Variants in ARHGAP15 observed in about 807,000 individuals in gnomAD.
The protein encoded by ARHGAP15 is rho GTPase-activating protein 15.
Under a neutral mutation model 63.7 loss-of-function variants are expected in ARHGAP15, and 51 were observed. That is an observed-to-expected ratio of 0.80 (90% CI 0.64 to 1.01). The LOEUF (loss-of-function observed/expected upper bound fraction) is 1.01. Among genes scored for constraint, ARHGAP15 ranks in the 50% least tolerant of loss-of-function variants. The probability of loss-of-function intolerance (pLI) is 0.00; values close to 1 mark genes in which losing one functional copy is unlikely to be tolerated. For synonymous variants in ARHGAP15, 191 were observed against 193.8 expected (o/e 0.99, Z 0.12); for missense variants, 560 against 564.6 (o/e 0.99, Z 0.08).
chr2:143,694,749 G>A (rs1447784242), intron 12 of ARHGAP15, among the ~76,000 whole-genome samples: 1 of 152,196 alleles, frequency 6.6e-6, no homozygotes, highest in Non-Finnish European at 1.5e-5. Context: ...CATGTCAGAT[G>A]AACTAGCTGG....
chr2:143,331,398 A>G (rs76488509), intron 6 of ARHGAP15, among the ~76,000 whole-genome samples: 2,772 of 152,176 alleles, frequency 0.018, 91 homozygotes, highest in African/African-American at 0.063. Context: ...ACTTAACTAT[A>G]CATATTTGTT....
chr2:143,758,521 A>G (rs886703491), intron 13 of ARHGAP15, among the ~76,000 whole-genome samples: 2 of 152,144 alleles, frequency 1.3e-5, no homozygotes, highest in African/African-American at 4.8e-5. Context: ...TATACACTCT[A>G]AATAGGAAAG....
chr2:143,509,828 C>T (rs1328455722), intron 9 of ARHGAP15, among the ~76,000 whole-genome samples: 1 of 151,904 alleles, frequency 6.6e-6, no homozygotes, highest in East Asian at 1.9e-4. Context: ...CGAGACCATC[C>T]TGGCCAAAGT....
intron 6 of ARHGAP15, among the ~76,000 whole-genome samples, chr2:143,364,038 C>A (rs191404443): frequency 9.8e-4 from 149 of 152,190 alleles, no homozygotes; most frequent in African/African-American, 3.4e-3. Flanking sequence ...TTAAAAAGTT[C>A]CTTTAACAAA....
At chr2:143,385,897 C>T (rs181464934) in intron 6 of ARHGAP15, among the ~76,000 whole-genome samples, 1 of 152,100 alleles carries the variant, frequency 6.6e-6, no homozygotes, top group East Asian at 1.9e-4. Context: ...AACTATAAGA[C>T]CAGTTAAAAG....
chr2:143,175,108 A>G (rs187807935), intron 2 of ARHGAP15, among the ~76,000 whole-genome samples: 1 of 152,278 alleles, frequency 6.6e-6, no homozygotes, highest in East Asian at 1.9e-4. Context: ...ATACATAGAA[A>G]GAAAACCACA....
chr2:143,470,166 CT>C (rs1313902993), intron 8 of ARHGAP15, among the ~76,000 whole-genome samples: 4 of 151,580 alleles, frequency 2.6e-5, no homozygotes, highest in African/African-American at 7.3e-5. Context: ...AAAAATTTAA[CT>C]TTTTTTATTT....
At chr2:143,763,734 A>G (rs185084952) in intron 13 of ARHGAP15, among the ~76,000 whole-genome samples, 1 of 147,714 alleles carries the variant, frequency 6.8e-6, no homozygotes, top group African/African-American at 2.5e-5. Flanking sequence ...ATGTATATGT[A>G]TATGTATGTA....
intron 6 of ARHGAP15, among the ~76,000 whole-genome samples, chr2:143,313,297 A>G (rs1338990739): frequency 6.6e-6 from 1 of 152,184 alleles, no homozygotes; most frequent in East Asian, 1.9e-4. Context: ...TTTGTTTGCT[A>G]AGAGAAAAGC....
chr2:143,165,954 G>A (rs1690488274), intron 2 of ARHGAP15, among the ~76,000 whole-genome samples: 1 of 108,988 alleles, frequency 9.2e-6, no homozygotes, highest in African/African-American at 3.6e-5. Flanking sequence ...AAGAAAGAAA[G>A]AAAGAGAGAA....
chr2:143,448,337 A>G (rs1230190843), intron 8 of ARHGAP15, among the ~76,000 whole-genome samples: 1 of 152,112 alleles, frequency 6.6e-6, no homozygotes, highest in Non-Finnish European at 1.5e-5. Flanking sequence ...ACTTCAATGC[A>G]GGCAAGAGAC....
At chr2:143,443,825 C>G (rs1370896741) in intron 8 of ARHGAP15, among the ~76,000 whole-genome samples, 1 of 152,150 alleles carries the variant, frequency 6.6e-6, no homozygotes, top group Non-Finnish European at 1.5e-5. Context: ...CTGTGTGACT[C>G]TAGCCATTGT....
intron 8 of ARHGAP15, among the ~76,000 whole-genome samples, chr2:143,455,713 G>A (rs1488921511): frequency 6.6e-6 from 1 of 151,980 alleles, no homozygotes; most frequent in Non-Finnish European, 1.5e-5. Flanking sequence ...TACATGTCTA[G>A]CTCATATTGA....
chr2:143,178,326 T>G (rs2105063323), intron 2 of ARHGAP15, among the ~76,000 whole-genome samples: 1 of 152,348 alleles, frequency 6.6e-6, no homozygotes, highest in Admixed American at 6.5e-5. Context: ...GTATTCAATT[T>G]TAGGCATTCA....
At chr2:143,576,913 C>T (rs1354128207) in intron 11 of ARHGAP15, among the ~76,000 whole-genome samples, 1 of 152,050 alleles carries the variant, frequency 6.6e-6, no homozygotes, top group African/African-American at 2.4e-5. Context: ...ATGTCCCAGC[C>T]CAATTAATGA....
chr2:143,749,257 C>T (rs1686281166), intron 13 of ARHGAP15, among the ~76,000 whole-genome samples: 1 of 152,162 alleles, frequency 6.6e-6, no homozygotes, highest in African/African-American at 2.4e-5. Flanking sequence ...CAGCTAACAC[C>T]CGGCTCCGAG....
Position 143,718,802 on chromosome 2 carries a change from G to T in ARHGAP15, c.1244+15278G>T, listed in dbSNP as rs534638086. Among the ~76,000 whole-genome samples, 9 of 152,276 alleles carry T rather than the reference G, an allele frequency of 5.9e-5. No individual in the cohort carries two copies. In the East Asian group the frequency reaches 1.5e-3, roughly 26 times the overall value. ...ACATTTATTCATGAAACAAATACAGGTTGAGTACTTACTGTGTGGTAGATG... is the reference window on the plus strand; with the variant it reads ...ACATTTATTCATGAAACAAATACAGTTTGAGTACTTACTGTGTGGTAGATG... On this transcript the variant is annotated intron_variant, in intron 13 of 13. Transcript: ENST00000295095.
intron 4 of ARHGAP15, among the ~76,000 whole-genome samples, chr2:143,220,313 C>T (rs1361835499): frequency 6.6e-6 from 1 of 152,072 alleles, no homozygotes; most frequent in Non-Finnish European, 1.5e-5. Flanking sequence ...ATCCATCCAC[C>T]CACCTTATGC....
intron 9 of ARHGAP15, among the ~76,000 whole-genome samples, chr2:143,506,369 T>C (rs1693321242): frequency 6.6e-6 from 1 of 152,222 alleles, no homozygotes; most frequent in Admixed American, 6.6e-5. Context: ...ACAAATGCAA[T>C]TAATAATTTC....
Sources: allele counts gnomAD v4.1 joint callset (sites outside exome capture counted in the v4.1 genomes callset), GRCh38; gene constraint gnomAD v4.1.1; transcripts MANE v1.5; gene names NCBI Gene and HGNC (gene_info 2026-07-23, HGNC 2026-07-21).